RPS6KA5: variants seen among roughly 807,000 people sequenced by gnomAD.
RPS6KA5 encodes ribosomal protein S6 kinase A5.
In RPS6KA5, 27 loss-of-function variants were observed where a neutral mutation model predicts 85.5. That is an observed-to-expected ratio of 0.32 (90% CI 0.23 to 0.44). The LOEUF (loss-of-function observed/expected upper bound fraction) is 0.44, where lower values mean the gene tolerates loss of function less well. Ranked by LOEUF, RPS6KA5 falls within the 20% of genes least tolerant of loss-of-function variation. The pLI is 1.00. For missense variants in RPS6KA5, 811 were observed against 980.9 expected, an observed-to-expected ratio of 0.83 and a Z score of 2.31; for synonymous variants, 334 against 348.2, an observed-to-expected ratio of 0.96 and a Z score of 0.46.
chr14:91,022,505 G>A (rs1471705981), intron 1 of RPS6KA5, among the ~76,000 whole-genome samples: 2 of 152,060 alleles, frequency 1.3e-5, no homozygotes, highest in Non-Finnish European at 2.9e-5. Flanking sequence ...AGGATGGTTG[G>A]TGGCAGTTAA....
At position 90,889,913 on chromosome 14, in the gene RPS6KA5, C is replaced by T. The variant is rs569389732; in HGVS notation, c.1836+574G>A. 2.6e-5 allele frequency among the ~76,000 whole-genome samples: 4 copies of T among 152,080 alleles called. No homozygotes were observed. In the South Asian group the frequency reaches 8.3e-4, roughly 32 times the overall value. ...GAAAATTTCCCAAGATCATGCATTACAAATTATATGCAGAAAAAGTAATGA... is the reference window on the plus strand; with the variant it reads ...GAAAATTTCCCAAGATCATGCATTATAAATTATATGCAGAAAAAGTAATGA... On this transcript the variant is annotated intron_variant, in intron 14 of 16. Transcript: ENST00000614987.
Position 91,060,568 on chromosome 14 carries a change from G to A in RPS6KA5, c.-134C>T, listed in dbSNP as rs1041676056. The stretch of plus-strand genomic sequence containing the variant: ...GGCTCCAGAACTCGGACGCAAAGAC[G>A]AGTCTCTTTCCCGCTCTGGCCGCAC... On this transcript the variant is annotated 5_prime_UTR_variant, in exon 1 of 17. Coordinates refer to ENST00000614987, the MANE Select transcript of RPS6KA5 (RefSeq NM_004755.4). 4.9e-5 allele frequency: 56 copies of A among 1,142,672 alleles called. No individual in the cohort carries two copies. Among genetic ancestry groups the A allele is most frequent in the Non-Finnish European group, 5.9e-5 (53 of 902,644 alleles). The allele number at this position is 1,142,672 out of a possible 1,614,324, so 70.8% of individuals were successfully genotyped here.
intron 5 of RPS6KA5, among the ~76,000 whole-genome samples, chr14:90,940,052 T>G (rs1283723132): frequency 6.6e-6 from 1 of 152,072 alleles, no homozygotes; most frequent in Non-Finnish European, 1.5e-5. Context: ...CAAAGAACCA[T>G]TAGATCAAGT....
intron 3 of RPS6KA5, among the ~76,000 whole-genome samples, chr14:90,949,255 T>C (rs940915646): frequency 6.6e-6 from 1 of 152,226 alleles, no homozygotes; most frequent in Non-Finnish European, 1.5e-5. Context: ...ATATATCAAG[T>C]GACAAACTCC....
At chr14:90,973,763 G>A (rs925040757) in intron 3 of RPS6KA5, among the ~76,000 whole-genome samples, 1 of 152,040 alleles carries the variant, frequency 6.6e-6, no homozygotes, top group East Asian at 1.9e-4. Flanking sequence ...CAGGGCGGGC[G>A]TGGTGGTTCA....
chr14:91,051,359 G>A (rs1435814575), intron 1 of RPS6KA5, among the ~76,000 whole-genome samples: 1 of 151,924 alleles, frequency 6.6e-6, no homozygotes, highest in African/African-American at 2.4e-5. Context: ...TGGGAAGACT[G>A]CTTGAGCCCA....
At chr14:90,925,379 C>A (rs1234081149) in intron 5 of RPS6KA5, among the ~76,000 whole-genome samples, 1 of 152,208 alleles carries the variant, frequency 6.6e-6, no homozygotes, top group Non-Finnish European at 1.5e-5. Context: ...ATAAATTCAT[C>A]TGCTAGCACT....
At position 90,862,798 on chromosome 14, in the gene RPS6KA5, C is replaced by G. The variant is rs2032624960; in HGVS notation, c.*9276G>C. The G allele has an allele frequency of 1.3e-5, 2 of 151,886 alleles. No individual in the cohort carries two copies. The highest frequency in any genetic ancestry group is 6.6e-5 in the Admixed American group (1 of 15,230). 9.4% of individuals were successfully genotyped at this position (151,886 alleles called of 1,614,324 possible). ...CTCCTTATGATCCAAAAATCTTAGG[C>G]AAAATATTAGCAAACTATATCCATT... is the stretch of plus-strand genomic sequence containing the variant. On this transcript the variant is annotated 3_prime_UTR_variant, in exon 17 of 17. Coordinates refer to ENST00000614987, the MANE Select transcript of RPS6KA5 (RefSeq NM_004755.4).
At chr14:90,936,066 CA>C (rs1026310899) in intron 5 of RPS6KA5, among the ~76,000 whole-genome samples, 4 of 151,920 alleles carry the variant, frequency 2.6e-5, no homozygotes, top group African/African-American at 9.7e-5. Flanking sequence ...ACTGTACTAC[CA>C]AAAAAATTCT....
At chr14:91,053,770 G>T (rs1200679430) in intron 1 of RPS6KA5, among the ~76,000 whole-genome samples, 2 of 152,164 alleles carry the variant, frequency 1.3e-5, no homozygotes, top group Non-Finnish European at 2.9e-5. Flanking sequence ...TGGCAACACT[G>T]CCAAAGTTTA....
intron 1 of RPS6KA5, among the ~76,000 whole-genome samples, chr14:91,040,219 A>C (rs1363914525): frequency 1.3e-5 from 2 of 152,132 alleles, no homozygotes; most frequent in Non-Finnish European, 2.9e-5. Flanking sequence ...CCAGCCTAGA[A>C]CCAATATGGA....
rs1344460018 is a variant in RPS6KA5, at chr14:91,002,716, G to A, written c.104-1557C>T. ...TAACCATTTTTAAGTATACAGTATT[G>A]TTAACCATATGTACGTTGTTATGCA... On this transcript the variant is annotated intron_variant, in intron 1 of 16. Coordinates refer to ENST00000614987, the MANE Select transcript of RPS6KA5 (RefSeq NM_004755.4). Among the ~76,000 whole-genome samples, 4 of 152,072 alleles carry A rather than the reference G, an allele frequency of 2.6e-5. No individual in the cohort carries two copies. The East Asian group carries it at 7.7e-4, about 29-fold the overall frequency.
chr14:90,966,693 G>T (rs2039079987), intron 3 of RPS6KA5, among the ~76,000 whole-genome samples: 1 of 152,194 alleles, frequency 6.6e-6, no homozygotes, highest in Non-Finnish European at 1.5e-5. Flanking sequence ...TTTTCTCTCT[G>T]CCAGGCACAG....
chr14:90,876,520 C>T (rs1048205674), intron 14 of RPS6KA5, among the ~76,000 whole-genome samples: 9 of 152,302 alleles, frequency 5.9e-5, no homozygotes, highest in Admixed American at 1.3e-4. Flanking sequence ...CAAGGCTTAT[C>T]TTTGTAGCAG....
chr14:90,899,241 C>T, intron 12 of RPS6KA5, 88 bp downstream of exon 12: 1 of 896,536 alleles, frequency 1.1e-6, no homozygotes, highest in South Asian at 1.6e-5. Flanking sequence ...CTGACTCTGA[C>T]CCAGCAGCAC....
At chr14:90,917,835 T>G (rs1489973962) in intron 7 of RPS6KA5, among the ~76,000 whole-genome samples, 1 of 152,176 alleles carries the variant, frequency 6.6e-6, no homozygotes, top group Non-Finnish European at 1.5e-5. Context: ...CAACTGTGAC[T>G]ACAGGTGCAC....
intron 5 of RPS6KA5, among the ~76,000 whole-genome samples, chr14:90,934,191 T>C (rs181985372): frequency 3.9e-5 from 6 of 152,322 alleles, no homozygotes; most frequent in East Asian, 1.9e-4. Context: ...AACACTGAGA[T>C]AGAACAGTGC....
rs566978199 is a variant in RPS6KA5 at position 91,038,452 on chromosome 14, ATCTGGAACCCATGAGGACAAACAAGAG to A, written c.103+21853_103+21879del. 1.4e-4 allele frequency among the ~76,000 whole-genome samples: 22 copies of A among 152,370 alleles called. No individual in the cohort carries two copies. In the East Asian group the frequency reaches 3.3e-3, roughly 23 times the overall value. On this transcript the variant is annotated intron_variant, in intron 1 of 16. Coordinates refer to ENST00000614987, the MANE Select transcript of RPS6KA5 (RefSeq NM_004755.4). ...AGAATAGACTGGAATCCCAAAGACA[ATCTGGAACCCATGAGGACAAACAAGAG>A]TCCATGTCTGTCTCTCACCACCTTC...
chr14:90,995,475 T>C (rs893438744), intron 2 of RPS6KA5, among the ~76,000 whole-genome samples: 4 of 152,118 alleles, frequency 2.6e-5, no homozygotes, highest in Non-Finnish European at 5.9e-5. Context: ...TATTTTCTCA[T>C]TTACTGTTTT....
Sources: allele counts gnomAD v4.1 joint callset (sites outside exome capture counted in the v4.1 genomes callset), GRCh38; gene constraint gnomAD v4.1.1; transcripts MANE v1.5; gene names NCBI Gene and HGNC (gene_info 2026-07-23, HGNC 2026-07-21).